The following SLC35F4 variants were observed in gnomAD, a reference collection of about 807,000 sequenced individuals.
The protein encoded by SLC35F4 is solute carrier family 35 member F4, also known as chromosome 14 open reading frame 36.
A neutral mutation model predicts 44.2 loss-of-function variants in SLC35F4; 24 were observed. The ratio of observed to expected loss-of-function variants is 0.54; its 90% confidence interval spans 0.39 to 0.76. SLC35F4 has a LOEUF of 0.76. Ranked by LOEUF, SLC35F4 falls within the 30% of genes least tolerant of loss-of-function variation. The pLI, the probability that SLC35F4 is intolerant of heterozygous loss-of-function variation, is 0.00. For synonymous variants in SLC35F4, 238 were observed against 223.6 expected (o/e 1.06, Z -0.57); for missense variants, 562 against 586.1 (o/e 0.96, Z 0.42).
At chr14:57,932,624 G>A (rs374009905) in intron 1 of SLC35F4, among the ~76,000 whole-genome samples, 7 of 152,050 alleles carry the variant, frequency 4.6e-5, no homozygotes, top group Admixed American at 3.9e-4. Flanking sequence ...TGAGGCAGGT[G>A]GATCACTTGA....
At chr14:57,807,304 G>T (rs1595111385) in intron 1 of SLC35F4, among the ~76,000 whole-genome samples, 1 of 149,508 alleles carries the variant, frequency 6.7e-6, no homozygotes, top group Admixed American at 6.6e-5. Flanking sequence ...GGGGAATTCT[G>T]CCCCAGCTGG....
At chr14:57,777,117 G>A (rs867602476) in intron 1 of SLC35F4, among the ~76,000 whole-genome samples, 1 of 152,102 alleles carries the variant, frequency 6.6e-6, no homozygotes, top group Non-Finnish European at 1.5e-5. Context: ...AATGTAAATG[G>A]GCAAAATGCT....
At chr14:57,841,279 T>A (rs1885454761) in intron 1 of SLC35F4, among the ~76,000 whole-genome samples, 1 of 151,938 alleles carries the variant, frequency 6.6e-6, no homozygotes, top group Admixed American at 6.6e-5. Flanking sequence ...ATCCAGAAAA[T>A]CTCGTAGTAG....
At chr14:57,657,090 G>C (rs1417672193) in intron 1 of SLC35F4, among the ~76,000 whole-genome samples, 4 of 152,158 alleles carry the variant, frequency 2.6e-5, no homozygotes, top group African/African-American at 9.6e-5. Context: ...CACAAGTTCA[G>C]GCATCACCTG....
intron 1 of SLC35F4, among the ~76,000 whole-genome samples, chr14:57,832,047 T>C (rs891634992): frequency 6.6e-6 from 1 of 152,196 alleles, no homozygotes; most frequent in Non-Finnish European, 1.5e-5. Flanking sequence ...CTTTATCACG[T>C]ATTATTTAAT....
intron 1 of SLC35F4, among the ~76,000 whole-genome samples, chr14:57,624,852 T>C (rs1181003217): frequency 2.0e-5 from 3 of 152,146 alleles, no homozygotes; most frequent in Non-Finnish European, 1.5e-5. Context: ...AATATCATAC[T>C]GAATGGGTAA....
At chr14:57,843,966 G>A (rs1885746693) in intron 1 of SLC35F4, among the ~76,000 whole-genome samples, 1 of 152,062 alleles carries the variant, frequency 6.6e-6, no homozygotes, top group African/African-American at 2.4e-5. Flanking sequence ...TTTGCTACAT[G>A]AACATGTACT....
intron 1 of SLC35F4, among the ~76,000 whole-genome samples, chr14:57,672,897 T>C (rs2074566389): frequency 6.6e-6 from 1 of 152,056 alleles, no homozygotes; most frequent in East Asian, 1.9e-4. Flanking sequence ...TTTTTATTTG[T>C]TTGTTTTTTG....
chr14:57,704,733 G>T (rs2075627329), intron 1 of SLC35F4, among the ~76,000 whole-genome samples: 1 of 152,160 alleles, frequency 6.6e-6, no homozygotes, highest in Non-Finnish European at 1.5e-5. Context: ...TGCAAAGAAA[G>T]AGCTCGCTTC....
chr14:57,691,609 C>G (rs1475265810), intron 1 of SLC35F4, among the ~76,000 whole-genome samples: 1 of 152,054 alleles, frequency 6.6e-6, no homozygotes, highest in Non-Finnish European at 1.5e-5. Flanking sequence ...TATCTTGCAG[C>G]AAAATAATTT....
At chr14:57,679,951 A>G (rs1334920387) in intron 1 of SLC35F4, among the ~76,000 whole-genome samples, 1 of 152,102 alleles carries the variant, frequency 6.6e-6, no homozygotes. Flanking sequence ...AGGCACAAAG[A>G]GGAGCTGGTA....
intron 1 of SLC35F4, among the ~76,000 whole-genome samples, chr14:57,834,547 G>C (rs533583121): frequency 1.3e-5 from 2 of 152,154 alleles, no homozygotes; most frequent in Non-Finnish European, 2.9e-5. Context: ...CAGTAGAACT[G>C]GTACCTAATT....
At chr14:57,811,924 G>C (rs1470458424) in intron 1 of SLC35F4, among the ~76,000 whole-genome samples, 1 of 152,202 alleles carries the variant, frequency 6.6e-6, no homozygotes, top group African/African-American at 2.4e-5. Flanking sequence ...TGAGGCTGCA[G>C]TGAGTTATGA....
At chr14:57,936,866 G>A (rs1178084495) in intron 1 of SLC35F4, among the ~76,000 whole-genome samples, 1 of 152,064 alleles carries the variant, frequency 6.6e-6, no homozygotes, top group Non-Finnish European at 1.5e-5. Context: ...GGACAAAAAG[G>A]GCTGTAAGCC....
At chr14:57,844,353 C>T (rs1337652949) in intron 1 of SLC35F4, among the ~76,000 whole-genome samples, 1 of 152,168 alleles carries the variant, frequency 6.6e-6, no homozygotes, top group East Asian at 1.9e-4. Flanking sequence ...TAACACGGGG[C>T]AAGACTGTAA....
intron 1 of SLC35F4, among the ~76,000 whole-genome samples, chr14:57,904,836 C>T (rs1889076779): frequency 6.6e-6 from 1 of 152,152 alleles, no homozygotes; most frequent in Admixed American, 6.5e-5. Flanking sequence ...TGCTCTGACT[C>T]TATCCCAAAA....
At chr14:57,834,035 C>A (rs1884657015) in intron 1 of SLC35F4, among the ~76,000 whole-genome samples, 2 of 152,134 alleles carry the variant, frequency 1.3e-5, no homozygotes, top group African/African-American at 4.8e-5. Context: ...AATGAAACAA[C>A]CCTCATTATT....
At chr14:57,664,014 C>G (rs1293044905) in intron 1 of SLC35F4, among the ~76,000 whole-genome samples, 1 of 151,432 alleles carries the variant, frequency 6.6e-6, no homozygotes, top group Non-Finnish European at 1.5e-5. Context: ...AAAAAAAATT[C>G]CTCATAGCAG....
At chr14:57,679,244 G>A (rs555887320) in intron 1 of SLC35F4, among the ~76,000 whole-genome samples, 7 of 152,128 alleles carry the variant, frequency 4.6e-5, no homozygotes, top group South Asian at 2.1e-4. Context: ...ACAACTACAC[G>A]GAAACCGAAC....
Sources: allele counts gnomAD v4.1 joint callset (sites outside exome capture counted in the v4.1 genomes callset), GRCh38; gene constraint gnomAD v4.1.1; transcripts MANE v1.5; gene names NCBI Gene and HGNC (gene_info 2026-07-23, HGNC 2026-07-21).